Variants in ANKRD2 observed in about 807,000 individuals in gnomAD.
ANKRD2 encodes ankyrin repeat domain 2, also known as ankyrin repeat domain-containing protein 2.
In ANKRD2, 35 loss-of-function variants were observed where a neutral mutation model predicts 37.3. The observed-to-expected ratio is 0.94, with a 90% CI of 0.72 to 1.24. The LOEUF (loss-of-function observed/expected upper bound fraction) is 1.24. ANKRD2 is among the 50% of genes most tolerant of loss of function. The pLI is 0.00. For synonymous variants in ANKRD2, 159 were observed against 186.5 expected (o/e 0.85, Z 1.20); for missense variants, 410 against 445.6 (o/e 0.92, Z 0.72).
intron 6 of ANKRD2, 63 bp from the exon 7 acceptor site, chr10:97,582,252 C>T: frequency 7.0e-7 from 1 of 1,424,476 alleles, no homozygotes; most frequent in Non-Finnish European, 9.7e-7. Context: ...ACAGCCCCCG[C>T]CTTCCCAGGG....
chr10:97,577,896 G>A lies in ANKRD2; in HGVS notation c.184G>A (p.Val62Met), dbSNP rs977042939. The change falls in exon 2 of 9, where the codon GTG (valine) becomes ATG (methionine). Residue 62 changes from valine to methionine, a missense_variant. By Grantham distance (21) the Val-to-Met change is conservative. Transcript: ENST00000370655. ...HGAQSAALQK[V>M]KGQERVRKTS... ...GGCTCAGAGTGCAGCCCTGCAGAAG[G>A]TGAAGGTAAGCCTGGGAGGATCCAA... is the stretch of plus-strand genomic sequence containing the variant. The A allele has an allele frequency of 2.6e-6, 4 of 1,560,336 alleles. No homozygotes were observed. In the African/African-American group the frequency reaches 5.4e-5, roughly 21 times the overall value.
At position 97,578,251 on chromosome 10, in the gene ANKRD2, C is replaced by G. The variant is rs199935455; in HGVS notation, c.201C>G (p.Arg67=). ...AALQKVKGQE[R]VRKTSLDLRR... ...GCCATCCCGCGCAGGGCCAAGAGCG[C>G]GTGCGCAAGACGTCCCTGGACCTGC... is the stretch of plus-strand genomic sequence containing the variant. The change falls in exon 3 of 9, where the codon CGC becomes CGG. Residue 67 remains arginine, a synonymous_variant. Transcript: ENST00000370655. 1 of 1,612,430 alleles carries G rather than the reference C, an allele frequency of 6.2e-7. No homozygotes were observed. Among genetic ancestry groups the G allele is most frequent in the East Asian group, 2.2e-5 (1 of 44,808 alleles).
chr10:97,575,744 A>C (rs2040819020), intron 1 of ANKRD2, among the ~76,000 whole-genome samples: 1 of 152,156 alleles, frequency 6.6e-6, no homozygotes, highest in African/African-American at 2.4e-5. Context: ...CCCTGTCTCT[A>C]CTAAAATACA....
rs2040861699 is a variant in ANKRD2 at position 97,578,740 on chromosome 10, C to T, written c.456+135C>T. ...TCTTTGGATGGGTGGGTGGCTGGGG[C>T]GCTCAGAATGGGTGTCCCTTCCCCG... On this transcript the variant is annotated intron_variant, in intron 4 of 8. Transcript: ENST00000370655. 52 of 685,666 alleles carry T rather than the reference C, an allele frequency of 7.6e-5. No individual in the cohort carries two copies. The South Asian group carries it at 9.6e-4, about 13-fold the overall frequency. The allele number at this position is 685,666 out of a possible 1,614,324, so 42.5% of individuals were successfully genotyped here. A position where few individuals can be genotyped will look rare whatever the true frequency, so the allele number is the denominator to read the frequency against.
chr10:97,578,144 GCCCAC>G, intron 2 of ANKRD2, 91 bp from the exon 3 acceptor site: 1 of 685,446 alleles, frequency 1.5e-6, no homozygotes, highest in Non-Finnish European at 2.5e-6. Flanking sequence ...GGGTCTTCCT[GCCCAC>G]CCCACCCTCC....
At position 97,578,530 on chromosome 10, in the gene ANKRD2, A is replaced by T. The variant is rs1290059320; in HGVS notation, c.381A>T (p.Lys127Asn). The T allele has an allele frequency of 1.3e-6, 2 of 1,578,336 alleles. No homozygotes were observed. Among genetic ancestry groups the T allele is most frequent in the Non-Finnish European group, 1.7e-6 (2 of 1,161,690 alleles). Residue 127 changes from lysine (K) to asparagine (N), a missense_variant, in exon 4 of 9, where the codon AAA becomes AAT. Transcript: ENST00000370655. ...CTGTGGATGAGGAGACCTTCCTGAAAGCTGCGGTGGAGGGGAAAATGAAGG... is the reference window on the plus strand; with the variant it reads ...CTGTGGATGAGGAGACCTTCCTGAATGCTGCGGTGGAGGGGAAAATGAAGG... Reference protein sequence around the residue: ...TGPVDEETFLKAAVEGKMKVI... With the variant: ...TGPVDEETFLNAAVEGKMKVI...
chr10:97,572,688 A>C, upstream of ANKRD2: 1 of 1,590,018 alleles, frequency 6.3e-7, no homozygotes, highest in Non-Finnish European at 8.6e-7. Context: ...AGGCAGGTGG[A>C]GAATTGGGCC....
chr10:97,582,482 G>T (rs961320468), intron 7 of ANKRD2, 69 bp downstream of exon 7: 13 of 1,586,660 alleles, frequency 8.2e-6, no homozygotes, highest in Non-Finnish European at 9.5e-6. Context: ...CCTACAGGTG[G>T]TGTCCTTCCT....
chr10:97,581,346 C>G lies in ANKRD2; in HGVS notation c.586C>G (p.Arg196Gly). Residue 196 changes from arginine to glycine, a missense_variant, in exon 6 of 9, where the codon CGC becomes GGC. Transcript: ENST00000370655. Reference protein sequence around the residue: ...LDCTAMHWACRGGHLEVVKLL... With the variant: ...LDCTAMHWACGGGHLEVVKLL... ...CTGCACAGCCATGCATTGGGCCTGC[C>G]GCGGGGGCCACTTAGAGGTGGTGAA... 6.2e-7 allele frequency: 1 copy of G among 1,614,150 alleles called. No individual in the cohort carries two copies. The highest frequency in any genetic ancestry group is 8.5e-7 in the Non-Finnish European group (1 of 1,179,994).
At chr10:97,576,824 G>A (rs1418475584) in intron 1 of ANKRD2, among the ~76,000 whole-genome samples, 2 of 151,924 alleles carry the variant, frequency 1.3e-5, no homozygotes, top group Non-Finnish European at 2.9e-5. Flanking sequence ...AGCCTCCCAA[G>A]TAGCTGGGAC....
intron 1 of ANKRD2, 61 bp from the exon 2 acceptor site, chr10:97,577,739 T>C (rs1589892052): frequency 2.2e-6 from 3 of 1,366,178 alleles, no homozygotes; most frequent in Non-Finnish European, 3.0e-6. Flanking sequence ...CTTGGTGTGG[T>C]TGGGGGAGAG....
In ANKRD2 at chr10:97,578,225, G is replaced by T. The variant is rs764953713; in HGVS notation, c.190-15G>T. 1 of 1,594,140 alleles carries T rather than the reference G, an allele frequency of 6.3e-7. No homozygotes were observed. The highest frequency in any genetic ancestry group is 8.6e-7 in the Non-Finnish European group (1 of 1,168,276). On this transcript the variant is annotated splice_polypyrimidine_tract_variant and intron_variant, in intron 2 of 8. Coordinates refer to ENST00000370655, the MANE Select transcript of ANKRD2 (RefSeq NM_001346793.2). ...CTCTGCCCGGCCTGGGGGGTTGATG[G>T]GCCATCCCGCGCAGGGCCAAGAGCG... is the stretch of plus-strand genomic sequence containing the variant.
intron 5 of ANKRD2, 85 bp from the exon 6 acceptor site, chr10:97,581,231 C>A: frequency 7.3e-7 from 1 of 1,365,164 alleles, no homozygotes; most frequent in Non-Finnish European, 1.0e-6. Flanking sequence ...CCTAGATATC[C>A]CTCTGCCTTC....
At chr10:97,578,162 ACCAG>A in intron 2 of ANKRD2, 74 bp from the exon 3 acceptor site, 1 of 217,542 alleles carries the variant, frequency 4.6e-6, no homozygotes, top group Non-Finnish European at 8.6e-6. Context: ...CACCCTCCCC[ACCAG>A]CTTAGCTCAG....
Position 97,577,895 on chromosome 10 carries a change from G to T in ANKRD2, c.183G>T (p.Lys61Asn). 1.3e-6 allele frequency: 2 copies of T among 1,561,398 alleles called. No homozygotes were observed. Among genetic ancestry groups the T allele is most frequent in the Non-Finnish European group, 1.7e-6 (2 of 1,153,084 alleles). The stretch of plus-strand genomic sequence containing the variant: ...GGGCTCAGAGTGCAGCCCTGCAGAA[G>T]GTGAAGGTAAGCCTGGGAGGATCCA... The part of the protein sequence containing the change: ...HHGAQSAALQ[K>N]VKGQERVRKT... Residue 61 changes from lysine (K) to asparagine (N), a missense_variant, in exon 2 of 9, where the codon AAG (lysine) becomes AAT (asparagine). Transcript: ENST00000370655.
intron 1 of ANKRD2, among the ~76,000 whole-genome samples, chr10:97,576,029 G>T (rs944629964): frequency 1.3e-5 from 2 of 152,210 alleles, no homozygotes; most frequent in Non-Finnish European, 2.9e-5. Flanking sequence ...GGAAGAAGAT[G>T]CAGTGTTTCT....
chr10:97,576,347 A>C (rs1179167424), intron 1 of ANKRD2, among the ~76,000 whole-genome samples: 4 of 152,178 alleles, frequency 2.6e-5, no homozygotes, highest in African/African-American at 7.2e-5. Context: ...AAGAGAGAAG[A>C]AGCAGTCCAG....
chr10:97,583,795 C>T lies in ANKRD2; in HGVS notation c.*70C>T, dbSNP rs868355879. On this transcript the variant is annotated 3_prime_UTR_variant, in exon 9 of 9. Transcript: ENST00000370655. The stretch of plus-strand genomic sequence containing the variant: ...CAGCCGGAGGGTCCTAAGAATGGCT[C>T]CCGGAGCTAACTGAGGGCCCAGCCT... The T allele has an allele frequency of 5.7e-6, 8 of 1,410,050 alleles. No homozygotes were observed. The highest frequency in any genetic ancestry group is 2.7e-4 in the Middle Eastern group (1 of 3,678). The allele number at this position is 1,410,050 out of a possible 1,614,324, so 87.3% of individuals were successfully genotyped here. A position where few individuals can be genotyped will look rare whatever the true frequency, so the allele number is the denominator to read the frequency against.
At chr10:97,580,995 G>T (rs2040891559) in intron 5 of ANKRD2, 42 bp downstream of exon 5, 1 of 1,519,820 alleles carries the variant, frequency 6.6e-7, no homozygotes, top group African/African-American at 1.4e-5. Flanking sequence ...CAGGAGGTGG[G>T]TCCAGCACTG....
Sources: allele counts gnomAD v4.1 joint callset (sites outside exome capture counted in the v4.1 genomes callset), GRCh38; gene constraint gnomAD v4.1.1; transcripts MANE v1.5; gene names NCBI Gene and HGNC (gene_info 2026-07-23, HGNC 2026-07-21).